PTPN13: variants seen among roughly 807,000 people sequenced by gnomAD.
PTPN13 encodes the protein protein tyrosine phosphatase non-receptor type 13.
A neutral mutation model predicts 284.0 loss-of-function variants in PTPN13; 191 were observed. The observed-to-expected ratio is 0.67, with a 90% CI of 0.60 to 0.76. The LOEUF is 0.76. Ranked by LOEUF, PTPN13 falls within the 30% of genes least tolerant of loss-of-function variation. The pLI is 0.00. For synonymous variants in PTPN13, 986 were observed against 1,022.3 expected (o/e 0.96, Z 0.68); for missense variants, 2,797 against 2,939.9 (o/e 0.95, Z 1.12).
intron 12 of PTPN13, 52 bp downstream of exon 12, chr4:86,732,818 A>G (rs1415681621): frequency 1.3e-6 from 2 of 1,494,790 alleles, no homozygotes; most frequent in African/African-American, 1.4e-5. Flanking sequence ...AGCAACAAGC[A>G]GACTTCCTAT....
At chr4:86,791,197 T>C (rs1191008101) in intron 40 of PTPN13, among the ~76,000 whole-genome samples, 3 of 152,184 alleles carry the variant, frequency 2.0e-5, no homozygotes, top group Non-Finnish European at 4.4e-5. Flanking sequence ...TACTGTCCCA[T>C]GTCTGGCTCA....
Position 86,689,005 on chromosome 4 carries a change from C to A in PTPN13, c.361C>A (p.Pro121Thr). 6.5e-7 allele frequency: 1 copy of A among 1,544,828 alleles called. No individual in the cohort carries two copies. The highest frequency in any genetic ancestry group is 8.9e-7 in the Non-Finnish European group (1 of 1,117,506). The change falls in exon 5 of 48, where the codon CCT (proline) becomes ACT (threonine). Residue 121 changes from proline to threonine, a missense_variant and splice_region_variant. By Grantham distance (38) the Pro-to-Thr change is conservative (BLOSUM62 -1). Coordinates refer to ENST00000411767, the MANE Select transcript of PTPN13 (RefSeq NM_080683.3). The stretch of plus-strand genomic sequence containing the variant: ...TGGCTTTTCCTTTATTTATATTCAG[C>A]CTATTAAGCTTGGAGATCATCTCAA... ...GADYEVPQSQ[P>T]IKLGDHLNSI...
chr4:86,680,353 CTATCTA>C (rs1728746671), intron 3 of PTPN13, among the ~76,000 whole-genome samples: 1 of 121,644 alleles, frequency 8.2e-6, no homozygotes, highest in African/African-American at 3.0e-5. Context: ...CTATCTCTAT[CTATCTA>C]TCTATCTATC....
intron 1 of PTPN13, among the ~76,000 whole-genome samples, chr4:86,620,378 T>C (rs1721078096): frequency 6.6e-6 from 1 of 152,182 alleles, no homozygotes; most frequent in African/African-American, 2.4e-5. Flanking sequence ...TTGTCCAGGC[T>C]GGACTCCTGA....
chr4:86,637,650 CAATA>C (rs966204016), intron 2 of PTPN13, among the ~76,000 whole-genome samples: 5 of 150,542 alleles, frequency 3.3e-5, no homozygotes, highest in Non-Finnish European at 7.4e-5. Flanking sequence ...TAAAAACTCT[CAATA>C]AATTAGGTAT....
intron 1 of PTPN13, among the ~76,000 whole-genome samples, chr4:86,607,126 A>C (rs915879466): frequency 2.6e-5 from 4 of 151,902 alleles, no homozygotes; most frequent in African/African-American, 9.7e-5. Flanking sequence ...ATTCATGTTT[A>C]TGATTCCTTT....
At chr4:86,719,278 C>T (rs116540798) in intron 9 of PTPN13, among the ~76,000 whole-genome samples, 2,314 of 152,296 alleles carry the variant, frequency 0.015, 34 homozygotes, top group Non-Finnish European at 0.02. Context: ...TAGCCTCCAC[C>T]TCTATCCATG....
intron 1 of PTPN13, among the ~76,000 whole-genome samples, chr4:86,600,197 C>T (rs1764173112): frequency 6.6e-6 from 1 of 151,992 alleles, no homozygotes; most frequent in Non-Finnish European, 1.5e-5. Context: ...TGTTTGGAAG[C>T]TAAGACTGTG....
intron 40 of PTPN13, among the ~76,000 whole-genome samples, chr4:86,787,574 A>G (rs1357859114): frequency 1.3e-5 from 2 of 151,538 alleles, no homozygotes; most frequent in Admixed American, 1.3e-4. Flanking sequence ...CCTGGGCAAC[A>G]AGAGCGAGAT....
intron 2 of PTPN13, among the ~76,000 whole-genome samples, chr4:86,636,365 G>C (rs1452338768): frequency 6.6e-6 from 1 of 151,514 alleles, no homozygotes; most frequent in Non-Finnish European, 1.5e-5. Flanking sequence ...TATCATGCCA[G>C]AAGTTGCACA....
intron 7 of PTPN13, among the ~76,000 whole-genome samples, chr4:86,705,205 A>G (rs1387540571): frequency 1.3e-5 from 2 of 151,816 alleles, no homozygotes; most frequent in East Asian, 1.9e-4. Flanking sequence ...GTGGTGGTAC[A>G]TGCCTGTAGT....
chr4:86,692,502 T>C (rs569507985), intron 5 of PTPN13, among the ~76,000 whole-genome samples: 1 of 152,304 alleles, frequency 6.6e-6, no homozygotes, highest in South Asian at 2.1e-4. Flanking sequence ...TAAACAAATA[T>C]GTATGCATGC....
intron 1 of PTPN13, among the ~76,000 whole-genome samples, chr4:86,604,292 C>G (rs1764561802): frequency 6.6e-6 from 1 of 151,896 alleles, no homozygotes; most frequent in Non-Finnish European, 1.5e-5. Flanking sequence ...AGCTTTATTC[C>G]TGAATTATAC....
chr4:86,648,280 T>C (rs1197128392), intron 2 of PTPN13, among the ~76,000 whole-genome samples: 1 of 152,168 alleles, frequency 6.6e-6, no homozygotes, highest in Non-Finnish European at 1.5e-5. Context: ...AAATTGTTAA[T>C]TGTAGTTGCC....
chr4:86,683,293 G>A (rs1238504739), intron 3 of PTPN13, among the ~76,000 whole-genome samples: 1 of 152,146 alleles, frequency 6.6e-6, no homozygotes, highest in African/African-American at 2.4e-5. Flanking sequence ...CAATGATGTA[G>A]TTCAAGTCTG....
intron 1 of PTPN13, among the ~76,000 whole-genome samples, chr4:86,603,031 TG>T: frequency 1.3e-5 from 2 of 152,310 alleles, no homozygotes; most frequent in East Asian, 3.9e-4. Context: ...CTGTATTTCC[TG>T]TTTAGGAATC....
rs769888341 is a variant in PTPN13, at chr4:86,701,216, A to G, written c.635-25A>G. The G allele has an allele frequency of 2.7e-6, 4 of 1,481,264 alleles. No individual in the cohort carries two copies. The African/African-American group carries it at 4.2e-5, about 16-fold the overall frequency. 91.8% of individuals were successfully genotyped at this position (1,481,264 alleles called of 1,614,324 possible). ...TTTATTTTCTAAAAATTGTGTGCATACATGATAGATTCTTATCATTCCAGG... is the reference window on the plus strand; with the variant it reads ...TTTATTTTCTAAAAATTGTGTGCATGCATGATAGATTCTTATCATTCCAGG... On this transcript the variant is annotated intron_variant, in intron 6 of 47. Coordinates refer to ENST00000411767, the MANE Select transcript of PTPN13 (RefSeq NM_080683.3).
intron 3 of PTPN13, among the ~76,000 whole-genome samples, chr4:86,685,041 A>C (rs1360052630): frequency 6.6e-6 from 1 of 152,104 alleles, no homozygotes; most frequent in Non-Finnish European, 1.5e-5. Flanking sequence ...CTATAAATCC[A>C]ACTCCTCCAT....
chr4:86,778,744 G>A (rs1740933212), intron 35 of PTPN13, among the ~76,000 whole-genome samples: 3 of 152,086 alleles, frequency 2.0e-5, no homozygotes, highest in Admixed American at 6.5e-5. Flanking sequence ...GTGGAGGAAA[G>A]TAGAAATTTA....
Sources: gnomAD v4.1 joint callset for allele counts (sites outside exome capture counted in the v4.1 genomes callset) on GRCh38, gnomAD v4.1.1 for gene constraint, MANE v1.5 for transcripts, NCBI Gene and HGNC (gene_info 2026-07-23, HGNC 2026-07-21) for gene names.